DAGLB: variants seen among roughly 807,000 people sequenced by gnomAD.
DAGLB encodes the protein diacylglycerol lipase beta, also known as diacylglycerol lipase-beta.
A neutral mutation model predicts 72.1 loss-of-function variants in DAGLB; 66 were observed. The ratio of observed to expected loss-of-function variants is 0.92; its 90% CI spans 0.75 to 1.12. The LOEUF (loss-of-function observed/expected upper bound fraction) is 1.12. DAGLB is among the 50% of genes most tolerant of loss of function. DAGLB has a pLI of 0.00. For missense variants in DAGLB, 1,065 were observed against 884.9 expected, an observed-to-expected ratio of 1.20 and a Z score of -2.58; for synonymous variants, 414 against 359.5, an observed-to-expected ratio of 1.15 and a Z score of -1.71.
At chr7:6,414,156 G>A (rs1224055263) in intron 11 of DAGLB, among the ~76,000 whole-genome samples, 3 of 149,894 alleles carry the variant, frequency 2.0e-5, no homozygotes, top group African/African-American at 4.9e-5. Context: ...GACTACAGGC[G>A]CCCACCACCA....
At chr7:6,440,164 G>A (rs760816291) in intron 2 of DAGLB, among the ~76,000 whole-genome samples, 116 of 151,394 alleles carry the variant, frequency 7.7e-4, no homozygotes, top group Admixed American at 1.6e-3. Flanking sequence ...AGGCTGAGGC[G>A]GCAGATCACC....
intron 11 of DAGLB, among the ~76,000 whole-genome samples, chr7:6,413,447 G>C (rs976621434): frequency 6.6e-6 from 1 of 152,100 alleles, no homozygotes; most frequent in Non-Finnish European, 1.5e-5. Context: ...TGGCTAACAC[G>C]GTAAAAGCCC....
At chr7:6,438,547 C>T (rs1219427993) in intron 2 of DAGLB, among the ~76,000 whole-genome samples, 1 of 151,566 alleles carries the variant, frequency 6.6e-6, no homozygotes, top group Non-Finnish European at 1.5e-5. Context: ...AGCCAAACAC[C>T]CCAGAGAAAC....
At position 6,433,047 on chromosome 7, in the gene DAGLB, G is replaced by A. The variant is rs878979142; in HGVS notation, c.679-88C>T. The A allele has an allele frequency of 7.2e-6, 11 of 1,518,392 alleles. No homozygotes were observed. The South Asian group carries it at 1.0e-4, about 14-fold the overall frequency. The allele number at this position is 1,518,392 out of a possible 1,614,324, so 94.1% of individuals were successfully genotyped here. A position where few individuals can be genotyped will look rare whatever the true frequency, so the allele number is the denominator to read the frequency against. On this transcript the variant is annotated intron_variant, in intron 4 of 14. Transcript: ENST00000297056. ...AAATCCAGTCTTCTATAGTTGATAG[G>A]CATTCACGCACACACAGACATTTCT... is the stretch of plus-strand genomic sequence containing the variant.
chr7:6,422,066 C>A, intron 8 of DAGLB: 1 of 568,020 alleles, frequency 1.8e-6, no homozygotes. Context: ...CCTGCGCCTT[C>A]CCCATCACAC....
intron 4 of DAGLB, among the ~76,000 whole-genome samples, chr7:6,434,233 A>C (rs1351004224): frequency 1.1e-5 from 1 of 93,906 alleles, no homozygotes; most frequent in Non-Finnish European, 1.8e-5. Context: ...GACACGCTGC[A>C]TGTGAAAAAA....
At position 6,436,389 on chromosome 7, in the gene DAGLB, T is replaced by A; in HGVS notation, c.392A>T (p.Asn131Ile). Reference protein sequence around the residue: ...DGVQCDRTVVNGIIATVVVSW... With the variant: ...DGVQCDRTVVIGIIATVVVSW... ...GACCACGACGGTTGCGATGATGCCGTTTACAACTGTCCTGTCGCACTGAAC... is the reference window on the plus strand; with the variant it reads ...GACCACGACGGTTGCGATGATGCCGATTACAACTGTCCTGTCGCACTGAAC... The change falls in exon 3 of 15, where the codon AAC (asparagine) becomes ATC (isoleucine). Residue 131 changes from asparagine (N) to isoleucine (I), a missense_variant. By Grantham distance (149) the Asn-to-Ile change is moderately radical. Coordinates refer to ENST00000297056, the MANE Select transcript of DAGLB (RefSeq NM_139179.4). The A allele has an allele frequency of 6.2e-7, 1 of 1,612,502 alleles. No individual in the cohort carries two copies. The highest frequency in any genetic ancestry group is 8.5e-7 in the Non-Finnish European group (1 of 1,179,678).
chr7:6,445,797 G>A, intron 2 of DAGLB, 156 bp downstream of exon 2: 2 of 820,146 alleles, frequency 2.4e-6, no homozygotes, highest in Non-Finnish European at 3.6e-6. Flanking sequence ...GAAGAAAATG[G>A]TATAAACTTG....
At position 6,441,623 on chromosome 7, in the gene DAGLB, TAGTC is replaced by T. The variant is rs1784836906; in HGVS notation, c.247+4326_247+4329del. ...TAGAAGAGACGGGGTTTCACCGTGT[TAGTC>T]AGGATGGTCTTGATCTCCTGACCTC... On this transcript the variant is annotated intron_variant, in intron 2 of 14. Coordinates refer to ENST00000297056, the MANE Select transcript of DAGLB (RefSeq NM_139179.4). Among the ~76,000 whole-genome samples the T allele has an allele frequency of 2.7e-5, 4 of 150,180 alleles. No homozygotes were observed. The Admixed American group carries it at 2.7e-4, about 10-fold the overall frequency.
rs79783938 is a variant in DAGLB, at chr7:6,421,740, C to G, written c.1205G>C (p.Arg402Pro). 1.2e-6 allele frequency: 2 copies of G among 1,610,174 alleles called. No homozygotes were observed. Among genetic ancestry groups the G allele is most frequent in the African/African-American group, 2.7e-5 (2 of 74,866 alleles). Reference protein sequence around the residue: ...VLDVECEVQDRLAHKGISQAA... With the variant: ...VLDVECEVQDPLAHKGISQAA... ...CCGCGCTCATACCTTGTGTGCCAGG[C>G]GGTCCTGCACCTCACACTCCACGTC... The change falls in exon 9 of 15, where the codon CGC (arginine) becomes CCC (proline). Residue 402 changes from arginine (R) to proline (P), a missense_variant. Physicochemically the swap from Arg to Pro is moderately radical, Grantham distance 103 (BLOSUM62 -2). Coordinates refer to ENST00000297056, the MANE Select transcript of DAGLB (RefSeq NM_139179.4).
At position 6,447,740 on chromosome 7, in the gene DAGLB, G is replaced by A; in HGVS notation, c.95+8C>T. Reference sequence around the variant, plus strand: ...GGGCTCCACCGCCCCCGTAGCCGCCGTCCTTACCACAGCACTCGCACGACC... The same window carrying A: ...GGGCTCCACCGCCCCCGTAGCCGCCATCCTTACCACAGCACTCGCACGACC... On this transcript the variant is annotated splice_region_variant and intron_variant, in intron 1 of 14. Coordinates refer to ENST00000297056, the MANE Select transcript of DAGLB (RefSeq NM_139179.4). 1 of 1,611,516 alleles carries A rather than the reference G, an allele frequency of 6.2e-7. No individual in the cohort carries two copies. Among genetic ancestry groups the A allele is most frequent in the Non-Finnish European group, 8.5e-7 (1 of 1,178,992 alleles).
At chr7:6,424,921 G>C (rs759532063) in intron 7 of DAGLB, 86 bp from the exon 8 acceptor site, 22 of 1,326,960 alleles carry the variant, frequency 1.7e-5, no homozygotes, top group Non-Finnish European at 2.2e-5. Context: ...TGTCTGCAAT[G>C]ACAGCCCAAG....
chr7:6,435,488 GA>G (rs34469026), intron 3 of DAGLB: 10,496 of 142,194 alleles, frequency 0.074, 740 homozygotes, highest in African/African-American at 0.19. Flanking sequence ...CCGTCTCAAA[GA>G]AAAAAAAAAA....
chr7:6,442,206 G>T (rs1003003774), intron 2 of DAGLB, among the ~76,000 whole-genome samples: 1 of 152,092 alleles, frequency 6.6e-6, no homozygotes, highest in Non-Finnish European at 1.5e-5. Flanking sequence ...ACGCATACTT[G>T]GTATGTGTGG....
At chr7:6,412,259 G>A (rs1783753935) in intron 13 of DAGLB, among the ~76,000 whole-genome samples, 1 of 152,024 alleles carries the variant, frequency 6.6e-6, no homozygotes, top group South Asian at 2.1e-4. Flanking sequence ...CCTTGACGTG[G>A]ACATATATCA....
intron 1 of DAGLB, 75 bp from the exon 2 acceptor site, chr7:6,446,179 T>A: frequency 6.8e-7 from 1 of 1,475,412 alleles, no homozygotes. Context: ...TACAAAGAAA[T>A]AAAAGGGGAC....
chr7:6,444,400 G>C (rs1000185104), intron 2 of DAGLB, among the ~76,000 whole-genome samples: 1 of 152,100 alleles, frequency 6.6e-6, no homozygotes, highest in Non-Finnish European at 1.5e-5. Context: ...TCAGGAGATC[G>C]AGACAAGCCT....
chr7:6,425,227 G>C (rs1192502869), intron 7 of DAGLB, among the ~76,000 whole-genome samples: 1 of 152,202 alleles, frequency 6.6e-6, no homozygotes, highest in South Asian at 2.1e-4. Flanking sequence ...GAATCACCTG[G>C]AGAGACAGCG....
intron 13 of DAGLB, 73 bp downstream of exon 13, chr7:6,412,738 C>T (rs1355868920): frequency 3.9e-6 from 6 of 1,522,362 alleles, no homozygotes; most frequent in East Asian, 2.5e-5. Flanking sequence ...GGTGCAATTC[C>T]TCCCGGCTCT....
Sources: gnomAD v4.1 joint callset for allele counts (sites outside exome capture counted in the v4.1 genomes callset) on GRCh38, gnomAD v4.1.1 for gene constraint, MANE v1.5 for transcripts, NCBI Gene and HGNC (gene_info 2026-07-23, HGNC 2026-07-21) for gene names.